Variants in ZC3H12B observed in about 807,000 individuals in gnomAD.
ZC3H12B encodes zinc finger CCCH-type containing 12B.
In ZC3H12B, 7 loss-of-function variants were observed where a neutral mutation model predicts 43.9. The observed-to-expected ratio is 0.16, with a 90% confidence interval of 0.09 to 0.30. The LOEUF is 0.30. Ranked by LOEUF, ZC3H12B falls within the 10% of genes least tolerant of loss-of-function variation. The probability of loss-of-function intolerance (pLI) is 1.00; values close to 1 mark genes in which losing one functional copy is unlikely to be tolerated. For missense variants in ZC3H12B, 475 were observed against 670.2 expected (o/e 0.71, Z 3.22); for synonymous variants, 222 against 241.7 (o/e 0.92, Z 0.76).
chrX:65,133,825 A>G, the ZC3H12B span, among the ~76,000 whole-genome samples: 2 of 110,403 alleles, frequency 1.8e-5, no homozygotes, highest in East Asian at 5.7e-4. Flanking sequence ...GAGAGAAAGA[A>G]GAAAGATTTG....
intron 2 of ZC3H12B, 21 bp downstream of exon 7, chrX:65,497,292 T>C (rs762211919): frequency 4.2e-6 from 5 of 1,184,843 alleles, no homozygotes; most frequent in African/African-American, 3.5e-5. Flanking sequence ...AAATAAGACA[T>C]TTCTTCTCAT....
At chrX:65,454,669 C>T (rs764274894) in intron 3 of ZC3H12B, among the ~76,000 whole-genome samples, 4 of 111,819 alleles carry the variant, frequency 3.6e-5, no homozygotes, top group East Asian at 5.7e-4. Flanking sequence ...GGAGGATGGA[C>T]GGACTGCCTC....
At chrX:65,321,049 G>T in the ZC3H12B span, among the ~76,000 whole-genome samples, 304 of 111,590 alleles carry the variant, frequency 2.7e-3, 2 homozygotes, top group African/African-American at 8.0e-3. Flanking sequence ...TGATGAATGG[G>T]ATCTAAACTA....
the ZC3H12B span, among the ~76,000 whole-genome samples, chrX:65,101,154 A>G: frequency 2.7e-5 from 3 of 112,260 alleles, no homozygotes; most frequent in Non-Finnish European, 3.8e-5. Flanking sequence ...TACTGGGCAC[A>G]TAATGAAATT....
In ZC3H12B at chrX:65,462,617, G is replaced by A. The variant is rs893659415; in HGVS notation, n.408-26029G>A. ...ATCCCTGAAGTTGTGTAGCTTGAAG[G>A]AAGCATAGCTTGACCTTAGAAGGCA... On this transcript the variant is annotated intron_variant and non_coding_transcript_variant, in intron 3 of 5. Transcript: ENST00000617377. 8.3e-4 allele frequency among the ~76,000 whole-genome samples: 93 copies of A among 112,282 alleles called. 2 individuals carry two copies. Among genetic ancestry groups the A allele is most frequent in the African/African-American group, 2.9e-3 (89 of 30,926 alleles).
the ZC3H12B span, among the ~76,000 whole-genome samples, chrX:65,259,029 A>G: frequency 8.9e-6 from 1 of 112,087 alleles, no homozygotes; most frequent in Non-Finnish European, 1.9e-5. Flanking sequence ...TTCCTATCAA[A>G]CTACTAGTGA....
At chrX:65,256,511 A>G in the ZC3H12B span, among the ~76,000 whole-genome samples, 1 of 112,087 alleles carries the variant, frequency 8.9e-6, no homozygotes, top group African/African-American at 3.2e-5. Flanking sequence ...GATACAACAT[A>G]CCAGAATCTC....
At chrX:65,447,651 C>A (rs530331909) in intron 3 of ZC3H12B, among the ~76,000 whole-genome samples, 1 of 111,909 alleles carries the variant, frequency 8.9e-6, no homozygotes, top group African/African-American at 3.2e-5. Flanking sequence ...AGTAAACAAA[C>A]AACTCACAGA....
chrX:65,203,520 G>A, the ZC3H12B span, among the ~76,000 whole-genome samples: 2 of 110,117 alleles, frequency 1.8e-5, no homozygotes, highest in South Asian at 7.8e-4. Context: ...GTCTAGAAGT[G>A]TCATCTAGGA....
chrX:65,394,174 TC>T (rs1437928296), intron 2 of ZC3H12B, among the ~76,000 whole-genome samples: 1 of 112,431 alleles, frequency 8.9e-6, no homozygotes, highest in East Asian at 2.8e-4. Flanking sequence ...TGAGATAGTT[TC>T]TTTTGCTGGG....
At chrX:65,158,997 C>T in the ZC3H12B span, among the ~76,000 whole-genome samples, 31 of 111,789 alleles carry the variant, frequency 2.8e-4, no homozygotes, top group South Asian at 0.012. Context: ...ATATGGCTAG[C>T]CAGTTTTCCC....
chrX:65,379,348 C>T lies in ZC3H12B; in HGVS notation n.295+10350C>T, dbSNP rs755149053. On this transcript the variant is annotated intron_variant and non_coding_transcript_variant, in intron 2 of 5. Coordinates refer to the ZC3H12B transcript ENST00000617377. ...GGAGACACCCCCCAGCAAGGGCAGA[C>T]GGACACCTCACACGGCCGGGTACTC... Among the ~76,000 whole-genome samples, 511 of 111,268 alleles carry T rather than the reference C, an allele frequency of 4.6e-3. 3 individuals carry two copies. Among genetic ancestry groups the T allele is most frequent in the African/African-American group, 0.015 (457 of 30,664 alleles).
At chrX:65,139,565 G>T in the ZC3H12B span, among the ~76,000 whole-genome samples, 1 of 110,650 alleles carries the variant, frequency 9.0e-6, no homozygotes, top group East Asian at 2.8e-4. Context: ...TTGGGTGTTG[G>T]CACCTTTTGT....
At chrX:65,055,241 T>C in the ZC3H12B span, among the ~76,000 whole-genome samples, 1 of 111,675 alleles carries the variant, frequency 9.0e-6, no homozygotes, top group African/African-American at 3.3e-5. Flanking sequence ...ATAGCTCTTA[T>C]TATTTTGAGA....
chrX:65,116,964 G>A, the ZC3H12B span, among the ~76,000 whole-genome samples: 1 of 111,710 alleles, frequency 9.0e-6, no homozygotes, highest in Non-Finnish European at 1.9e-5. Context: ...GATCATTGTT[G>A]GACATTTGGG....
chrX:65,481,291 C>A (rs747268288), intron 3 of ZC3H12B, among the ~76,000 whole-genome samples: 2 of 111,837 alleles, frequency 1.8e-5, no homozygotes, highest in Admixed American at 9.5e-5. Flanking sequence ...TTATAAACAA[C>A]CTTACGAGAA....
At chrX:65,041,097 G>T in the ZC3H12B span, among the ~76,000 whole-genome samples, 1 of 112,432 alleles carries the variant, frequency 8.9e-6, no homozygotes, top group East Asian at 2.8e-4. Context: ...CTTTTCAGTA[G>T]TTTTAATATC....
the ZC3H12B span, among the ~76,000 whole-genome samples, chrX:65,141,215 T>A: frequency 9.0e-6 from 1 of 110,914 alleles, no homozygotes; most frequent in Admixed American, 9.6e-5. Flanking sequence ...AGAACCGTTT[T>A]TGCTGAATTT....
At chrX:65,334,820 A>T in the ZC3H12B span, among the ~76,000 whole-genome samples, 1 of 111,848 alleles carries the variant, frequency 8.9e-6, no homozygotes, top group African/African-American at 3.3e-5. Context: ...TAGATCTCCA[A>T]AAAGAGAAAT....
Sources: gnomAD v4.1 joint callset for allele counts (sites outside exome capture counted in the v4.1 genomes callset) on GRCh38, gnomAD v4.1.1 for gene constraint, MANE v1.5 for transcripts, NCBI Gene and HGNC (gene_info 2026-07-23, HGNC 2026-07-21) for gene names.